Variants in INPP5A observed in about 807,000 individuals in gnomAD.
INPP5A encodes inositol polyphosphate-5-phosphatase A.
Under a neutral mutation model 65.2 loss-of-function variants are expected in INPP5A, and 14 were observed. That is an observed-to-expected ratio of 0.21 (90% confidence interval 0.14 to 0.34). INPP5A has a LOEUF of 0.34. INPP5A is among the 10% of genes least tolerant of loss of function. INPP5A has a pLI of 1.00. For synonymous variants in INPP5A, 207 were observed against 208.3 expected, an observed-to-expected ratio of 0.99 and a Z score of 0.05; for missense variants, 431 against 545.6, an observed-to-expected ratio of 0.79 and a Z score of 2.09.
At chr10:132,700,223 G>A (rs138093263) in intron 6 of INPP5A, among the ~76,000 whole-genome samples, 110 of 152,246 alleles carry the variant, frequency 7.2e-4, no homozygotes, top group Non-Finnish European at 1.5e-3. Flanking sequence ...AAAAGGCACC[G>A]AGCCTCTTTG....
chr10:132,579,066 G>C (rs564134503), intron 1 of INPP5A, among the ~76,000 whole-genome samples: 2 of 152,320 alleles, frequency 1.3e-5, no homozygotes, highest in African/African-American at 2.4e-5. Flanking sequence ...ATGTAGGAAG[G>C]GGCCTGATGC....
chr10:132,709,433 G>T (rs1038703159), intron 7 of INPP5A, among the ~76,000 whole-genome samples: 3 of 151,394 alleles, frequency 2.0e-5, no homozygotes, highest in Non-Finnish European at 4.4e-5. Context: ...AGAAGAGGGA[G>T]GGGGAGGACA....
intron 8 of INPP5A, among the ~76,000 whole-genome samples, chr10:132,718,848 G>A (rs1845799421): frequency 2.0e-5 from 3 of 149,932 alleles, no homozygotes; most frequent in Admixed American, 6.7e-5. Flanking sequence ...TTCTGTCTGG[G>A]CACCTTAGAC....
At chr10:132,699,089 A>G (rs535255417) in intron 6 of INPP5A, among the ~76,000 whole-genome samples, 2 of 152,326 alleles carry the variant, frequency 1.3e-5, no homozygotes, top group South Asian at 2.1e-4. Flanking sequence ...TGGAAAGGAC[A>G]TGCAAGAAAG....
At chr10:132,600,794 A>G (rs1306502350) in intron 1 of INPP5A, among the ~76,000 whole-genome samples, 1 of 152,264 alleles carries the variant, frequency 6.6e-6, no homozygotes. Flanking sequence ...AGAGAAAATG[A>G]GAAGGAAGCA....
rs771929587 is a variant in INPP5A at position 132,782,076 on chromosome 10, C to A, written c.*47C>A. On this transcript the variant is annotated 3_prime_UTR_variant, in exon 16 of 16. Coordinates refer to ENST00000368594, the MANE Select transcript of INPP5A (RefSeq NM_005539.5). The surrounding 1 kb of genome is among the most constrained non-coding windows in gnomAD (Gnocchi z 4.4). Reference sequence around the variant, plus strand: ...CGCCACGAGAGGACACTTCGTGAGCCTCCCTGTAGCCGTGGACCGAATACG... The same window carrying A: ...CGCCACGAGAGGACACTTCGTGAGCATCCCTGTAGCCGTGGACCGAATACG... 2.6e-6 allele frequency: 4 copies of A among 1,550,644 alleles called. No individual in the cohort carries two copies. In the African/African-American group the frequency reaches 5.4e-5, roughly 21 times the overall value.
chr10:132,558,897 G>A (rs1431466802), intron 1 of INPP5A, among the ~76,000 whole-genome samples: 1 of 152,176 alleles, frequency 6.6e-6, no homozygotes, highest in Non-Finnish European at 1.5e-5. Context: ...TGGGTGTGTG[G>A]CTCTGGGAGC....
chr10:132,680,746 G>A (rs955310303), intron 4 of INPP5A, among the ~76,000 whole-genome samples: 17 of 152,232 alleles, frequency 1.1e-4, no homozygotes, highest in African/African-American at 3.6e-4. Context: ...GGCGGGCCCC[G>A]CACTCCGAGC....
At chr10:132,620,178 C>T (rs555899839) in intron 2 of INPP5A, among the ~76,000 whole-genome samples, 6 of 152,348 alleles carry the variant, frequency 3.9e-5, no homozygotes, top group African/African-American at 1.2e-4. Context: ...GGAGCTGCTG[C>T]AAAGGTCTCT....
At chr10:132,759,336 G>A (rs1043960328) in intron 11 of INPP5A, among the ~76,000 whole-genome samples, 1 of 151,764 alleles carries the variant, frequency 6.6e-6, no homozygotes, top group African/African-American at 2.4e-5. Context: ...GTACAGAGGA[G>A]GGTCGGGGAT....
At chr10:132,594,237 C>T (rs2133318462) in intron 1 of INPP5A, among the ~76,000 whole-genome samples, 1 of 152,264 alleles carries the variant, frequency 6.6e-6, no homozygotes, top group South Asian at 2.1e-4. Flanking sequence ...AGTAATGTAG[C>T]CTCTAACCGC....
At chr10:132,657,416 G>A (rs2072671502) in intron 4 of INPP5A, among the ~76,000 whole-genome samples, 1 of 152,214 alleles carries the variant, frequency 6.6e-6, no homozygotes, top group Non-Finnish European at 1.5e-5. Flanking sequence ...CCCCGCGGCT[G>A]GGTCTGTGGA....
In INPP5A at chr10:132,762,077, G is replaced by T. The variant is rs930627703; in HGVS notation, c.904-3696G>T. On this transcript the variant is annotated intron_variant, in intron 11 of 15. Transcript: ENST00000368594. The surrounding 1 kb of genome is among the most constrained non-coding windows in gnomAD (Gnocchi z 4.6). ...AAGGGATTGAGGAATGGGATGGCAG[G>T]CCTGGGGAATGGCCCAGAATGCAGC... is the stretch of plus-strand genomic sequence containing the variant. Among the ~76,000 whole-genome samples, 2 of 152,178 alleles carry T rather than the reference G, an allele frequency of 1.3e-5. No homozygotes were observed. The highest frequency in any genetic ancestry group is 2.4e-5 in the African/African-American group (1 of 41,432).
At position 132,629,277 on chromosome 10, in the gene INPP5A, AAC is replaced by A. The variant is rs1269534471; in HGVS notation, c.118-16587_118-16586del. ...GCCCTCCCCTCCTAAGAGCTCCAGAAACACAGACTCCACGTGAGGGAACCCCA... is the reference window on the plus strand; with the variant it reads ...GCCCTCCCCTCCTAAGAGCTCCAGAAACAGACTCCACGTGAGGGAACCCCA... On this transcript the variant is annotated intron_variant, in intron 2 of 15. Transcript: ENST00000368594. Among the ~76,000 whole-genome samples the A allele has an allele frequency of 2.6e-5, 4 of 152,136 alleles. No homozygotes were observed. The East Asian group carries it at 5.8e-4, about 22-fold the overall frequency.
chr10:132,782,016 A>C lies in INPP5A; in HGVS notation c.*8-21A>C. The C allele has an allele frequency of 6.2e-7, 1 of 1,610,248 alleles. No individual in the cohort carries two copies. Among genetic ancestry groups the C allele is most frequent in the Non-Finnish European group, 8.5e-7 (1 of 1,178,052 alleles). On this transcript the variant is annotated intron_variant, in intron 15 of 15. Transcript: ENST00000368594. This position sits in a 1 kb window ranked among gnomAD's most constrained non-coding sequence, Gnocchi z 4.4. ...TTCCTGGTGCGTTTGTTCCTTTAAC[A>C]AATTACGAATTCCGTGACAGGGAAG...
At position 132,782,431 on chromosome 10, in the gene INPP5A, G is replaced by A. The variant is rs1220814829; in HGVS notation, c.*402G>A. ...GACCCCCTCTGCCAGGTGGAGGTGTGTCCAGGGGCTGGGGAAGCCGAGACG... is the reference window on the plus strand; with the variant it reads ...GACCCCCTCTGCCAGGTGGAGGTGTATCCAGGGGCTGGGGAAGCCGAGACG... On this transcript the variant is annotated 3_prime_UTR_variant, in exon 16 of 16. Transcript: ENST00000368594. This position sits in a 1 kb window ranked among gnomAD's most constrained non-coding sequence, Gnocchi z 4.4. 1 of 247,402 alleles carries A rather than the reference G, an allele frequency of 4.0e-6. No homozygotes were observed. The highest frequency in any genetic ancestry group is 8.0e-6 in the Non-Finnish European group (1 of 125,300). 15.3% of individuals were successfully genotyped at this position (247,402 alleles called of 1,614,324 possible). A position where few individuals can be genotyped will look rare whatever the true frequency, so the allele number is the denominator to read the frequency against.
At chr10:132,720,569 G>C (rs1200686891) in intron 8 of INPP5A, among the ~76,000 whole-genome samples, 1 of 150,194 alleles carries the variant, frequency 6.7e-6, no homozygotes, top group Non-Finnish European at 1.5e-5. Flanking sequence ...GGGTTCTGTG[G>C]TACCTCGGTT....
At chr10:132,766,845 A>G (rs1846854097) in intron 12 of INPP5A, among the ~76,000 whole-genome samples, 1 of 144,418 alleles carries the variant, frequency 6.9e-6, no homozygotes, top group Non-Finnish European at 1.5e-5. Flanking sequence ...CAAGATTGGG[A>G]GCTGGAGGTG....
chr10:132,585,552 A>G (rs1442049971), intron 1 of INPP5A, among the ~76,000 whole-genome samples: 1 of 152,164 alleles, frequency 6.6e-6, no homozygotes, highest in Non-Finnish European at 1.5e-5. Context: ...ACAGGCGTCC[A>G]CTGGGGGGGT....
Sources: gnomAD v4.1 joint callset for allele counts (sites outside exome capture counted in the v4.1 genomes callset) on GRCh38, gnomAD v4.1.1 for gene constraint, Gnocchi (gnomAD v3.1) non-coding constraint, MANE v1.5 for transcripts, NCBI Gene and HGNC (gene_info 2026-07-23, HGNC 2026-07-21) for gene names.